The following AKAP6 variants were observed in gnomAD, a reference collection of about 807,000 sequenced individuals.
The protein encoded by AKAP6 is A-kinase anchor protein 6.
AKAP6 carries 58 observed loss-of-function variants against 188.5 expected under a neutral mutation model. The observed-to-expected ratio is 0.31, with a 90% confidence interval of 0.25 to 0.38. AKAP6 has a LOEUF of 0.38. Ranked by LOEUF, AKAP6 falls within the 10% of genes least tolerant of loss-of-function variation. The pLI, the probability that AKAP6 is intolerant of heterozygous loss-of-function variation, is 1.00. For missense variants in AKAP6, 2,710 were observed against 2,740.0 expected (o/e 0.99, Z 0.24); for synonymous variants, 989 against 998.6 (o/e 0.99, Z 0.18).
At chr14:32,750,809 C>A (rs1241901429) in intron 11 of AKAP6, among the ~76,000 whole-genome samples, 2 of 142,178 alleles carry the variant, frequency 1.4e-5, no homozygotes, top group Admixed American at 7.4e-5. Context: ...GTGGTGTGAT[C>A]TCGGCTCACT....
intron 2 of AKAP6, among the ~76,000 whole-genome samples, chr14:32,505,258 A>T (rs372650788): frequency 6.6e-6 from 1 of 151,230 alleles, no homozygotes; most frequent in African/African-American, 2.4e-5. Flanking sequence ...TATATGACAA[A>T]CCACTGCAGT....
intron 5 of AKAP6, among the ~76,000 whole-genome samples, chr14:32,579,184 A>G (rs1440044912): frequency 1.3e-5 from 2 of 152,146 alleles, no homozygotes; most frequent in South Asian, 2.1e-4. Flanking sequence ...ACCGTAACGA[A>G]CGGCAATATC....
chr14:32,382,884 G>A (rs932309430), intron 1 of AKAP6, among the ~76,000 whole-genome samples: 22 of 152,214 alleles, frequency 1.4e-4, no homozygotes, highest in African/African-American at 4.8e-4. Flanking sequence ...TGAGGAGAGT[G>A]GGCCCGCAAA....
chr14:32,383,763 G>A (rs1888443638), intron 1 of AKAP6, among the ~76,000 whole-genome samples: 1 of 152,096 alleles, frequency 6.6e-6, no homozygotes, highest in Non-Finnish European at 1.5e-5. Context: ...GGTAATTCTG[G>A]TGTTTAAACA....
intron 11 of AKAP6, among the ~76,000 whole-genome samples, chr14:32,753,286 C>A (rs2032209113): frequency 2.0e-5 from 3 of 152,012 alleles, no homozygotes; most frequent in Non-Finnish European, 4.4e-5. Context: ...ATTTGTATTT[C>A]TCTGATGATT....
intron 12 of AKAP6, among the ~76,000 whole-genome samples, chr14:32,805,345 A>G (rs2034061893): frequency 6.6e-6 from 1 of 152,186 alleles, no homozygotes; most frequent in African/African-American, 2.4e-5. Flanking sequence ...TACTTATCTT[A>G]TGCAGAGTTG....
At chr14:32,705,140 C>T (rs1176320089) in intron 9 of AKAP6, among the ~76,000 whole-genome samples, 1 of 152,138 alleles carries the variant, frequency 6.6e-6, no homozygotes, top group Non-Finnish European at 1.5e-5. Flanking sequence ...CTAGGGATAT[C>T]AATTTGGAGT....
intron 4 of AKAP6, among the ~76,000 whole-genome samples, chr14:32,566,448 T>A (rs1884190529): frequency 6.6e-6 from 1 of 152,184 alleles, no homozygotes; most frequent in Non-Finnish European, 1.5e-5. Context: ...AGACTCAAGA[T>A]TAAAAGTTCA....
In AKAP6 at chr14:32,389,473, T is replaced by C. The variant is rs537265742; in HGVS notation, c.-34-43987T>C. On this transcript the variant is annotated intron_variant, in intron 1 of 13. Transcript: ENST00000280979. The stretch of plus-strand genomic sequence containing the variant: ...ATTTATGCTTTAAAGAAGTTCTTTT[T>C]TGCTGTGTTTCCAGGATTTGTTTCA... 9.8e-5 allele frequency among the ~76,000 whole-genome samples: 15 copies of C among 152,290 alleles called. No individual in the cohort carries two copies. The East Asian group carries it at 2.9e-3, about 29-fold the overall frequency.
intron 12 of AKAP6, among the ~76,000 whole-genome samples, chr14:32,786,720 G>C (rs1237349918): frequency 1.3e-5 from 2 of 151,954 alleles, no homozygotes; most frequent in Admixed American, 1.3e-4. Context: ...TCCTATCACT[G>C]TTTTCTGAGT....
At chr14:32,455,937 G>A (rs922500845) in intron 2 of AKAP6, among the ~76,000 whole-genome samples, 2 of 152,164 alleles carry the variant, frequency 1.3e-5, no homozygotes, top group Non-Finnish European at 2.9e-5. Context: ...ATTCACCAAA[G>A]AAGGACATTC....
At chr14:32,626,981 A>G (rs1279378210) in intron 7 of AKAP6, among the ~76,000 whole-genome samples, 1 of 152,124 alleles carries the variant, frequency 6.6e-6, no homozygotes, top group Non-Finnish European at 1.5e-5. Flanking sequence ...GAATCACTGA[A>G]TTGTTAGACT....
intron 2 of AKAP6, among the ~76,000 whole-genome samples, chr14:32,464,115 C>G (rs1878249302): frequency 6.6e-6 from 1 of 151,892 alleles, no homozygotes; most frequent in South Asian, 2.1e-4. Context: ...GCCTACCAAC[C>G]AAAAAAAGCC....
chr14:32,622,741 A>G (rs570367686), intron 7 of AKAP6, among the ~76,000 whole-genome samples: 1 of 152,142 alleles, frequency 6.6e-6, no homozygotes, highest in Non-Finnish European at 1.5e-5. Context: ...GCAGGTGGGG[A>G]GCTGTGGCCA....
chr14:32,358,003 GGAA>G (rs772092224), intron 1 of AKAP6, among the ~76,000 whole-genome samples: 5 of 152,302 alleles, frequency 3.3e-5, no homozygotes, highest in Admixed American at 6.5e-5. Context: ...TTTACTGAGA[GGAA>G]GAAGAAGCTA....
In AKAP6 at chr14:32,492,355, T is replaced by TATATAGAGAGAGAGAGAGAG; in HGVS notation, c.325-43198_325-43197insTATAGAGAGAGAGAGAGAGA. ...ACATTGTAATATATATATATATATA[T>TATATAGAGAGAGAGAGAGAG]AGAGAGAGAGAGAGAGAGAGAGAGA... On this transcript the variant is annotated intron_variant, in intron 2 of 13. Coordinates refer to ENST00000280979, the MANE Select transcript of AKAP6 (RefSeq NM_004274.5). 4.2e-4 allele frequency among the ~76,000 whole-genome samples: 35 copies of TATATAGAGAGAGAGAGAGAG among 82,608 alleles called. No individual in the cohort carries two copies. The East Asian group carries it at 5.2e-3, about 12-fold the overall frequency. The allele number at this position is 82,608 out of a possible 152,430, so 54.2% of individuals were successfully genotyped here.
At chr14:32,388,257 T>G (rs1193090408) in intron 1 of AKAP6, among the ~76,000 whole-genome samples, 1 of 152,120 alleles carries the variant, frequency 6.6e-6, no homozygotes, top group Non-Finnish European at 1.5e-5. Flanking sequence ...TTAATCTTGC[T>G]AATGGTCTAT....
chr14:32,745,395 T>TG (rs34121107), intron 11 of AKAP6, among the ~76,000 whole-genome samples: 53,847 of 151,738 alleles, frequency 0.35, 9,881 homozygotes, highest in African/African-American at 0.42. Flanking sequence ...CTAGGATAAT[T>TG]TCTGGATTGC....
intron 3 of AKAP6, among the ~76,000 whole-genome samples, chr14:32,543,306 C>G (rs1191813526): frequency 6.6e-6 from 1 of 152,182 alleles, no homozygotes; most frequent in Non-Finnish European, 1.5e-5. Context: ...ATTTGTCTTT[C>G]TGTGCCTTGC....
Sources: allele counts gnomAD v4.1 joint callset (sites outside exome capture counted in the v4.1 genomes callset), GRCh38; gene constraint gnomAD v4.1.1; transcripts MANE v1.5; gene names NCBI Gene and HGNC (gene_info 2026-07-23, HGNC 2026-07-21).